The following NPAS3 variants were observed in gnomAD, a reference collection of about 807,000 sequenced individuals.
The protein encoded by NPAS3 is neuronal PAS domain-containing protein 3.
Under a neutral mutation model 73.1 loss-of-function variants are expected in NPAS3, and 14 were observed. The ratio of observed to expected loss-of-function variants is 0.19; its 90% CI spans 0.13 to 0.30. NPAS3 has a LOEUF of 0.30. NPAS3 is among the 10% of genes least tolerant of loss of function. The pLI is 1.00. For missense variants in NPAS3, 1,096 were observed against 1,250.0 expected, an observed-to-expected ratio of 0.88 and a Z score of 1.86; for synonymous variants, 620 against 541.5, an observed-to-expected ratio of 1.14 and a Z score of -2.01.
intron 2 of NPAS3, among the ~76,000 whole-genome samples, chr14:33,061,574 A>C (rs2138577275): frequency 6.6e-6 from 1 of 152,328 alleles, no homozygotes. Flanking sequence ...AATGACTTGA[A>C]GTAGCATATG....
At chr14:33,381,059 A>G (rs2046528789) in intron 4 of NPAS3, among the ~76,000 whole-genome samples, 1 of 152,082 alleles carries the variant, frequency 6.6e-6, no homozygotes, top group Non-Finnish European at 1.5e-5. Context: ...AAGGCAAATG[A>G]TAATATCAAT....
chr14:32,937,883 G>A (rs889206784), upstream of NPAS3, among the ~76,000 whole-genome samples: 40 of 152,170 alleles, frequency 2.6e-4, no homozygotes, highest in Admixed American at 2.4e-3. Flanking sequence ...CTTCTGATTG[G>A]TTTAGTGGAG....
At position 33,800,645 on chromosome 14, in the gene NPAS3, G is replaced by T; in HGVS notation, c.2338G>T (p.Ala780Ser). 1 of 1,446,410 alleles carries T rather than the reference G, an allele frequency of 6.9e-7. No homozygotes were observed. 89.6% of individuals were successfully genotyped at this position (1,446,410 alleles called of 1,614,324 possible). A position where few individuals can be genotyped will look rare whatever the true frequency, so the allele number is the denominator to read the frequency against. Residue 780 changes from alanine (A) to serine (S), a missense_variant, in exon 12 of 12, where the codon GCG becomes TCG. Ala to Ser is a moderately conservative substitution (Grantham distance 99). This residue lies in a region of NPAS3 where 698 missense variants were observed against 676.7 expected (regional missense o/e 1.03). Transcript: ENST00000356141. This position sits in a 1 kb window ranked among gnomAD's most constrained non-coding sequence, Gnocchi z 6.5. The stretch of plus-strand genomic sequence containing the variant: ...CGGCGCGGGGGGCGGCGGCCCCAGC[G>T]CGTCCAACTCCTTGCTGTACACTGG...
At chr14:33,633,048 G>C (rs77244915) in intron 5 of NPAS3, among the ~76,000 whole-genome samples, 1 of 152,104 alleles carries the variant, frequency 6.6e-6, no homozygotes, top group Admixed American at 6.5e-5. Context: ...AATAACACAA[G>C]TTTAAAAACA....
At chr14:33,480,716 T>G (rs1423677733) in intron 4 of NPAS3, among the ~76,000 whole-genome samples, 1 of 151,904 alleles carries the variant, frequency 6.6e-6, no homozygotes, top group East Asian at 1.9e-4. Flanking sequence ...GGCAGGCATT[T>G]AAAACCCTGA....
intron 5 of NPAS3, among the ~76,000 whole-genome samples, chr14:33,644,867 G>T (rs936652086): frequency 3.9e-5 from 6 of 152,118 alleles, no homozygotes; most frequent in African/African-American, 1.4e-4. Flanking sequence ...CGGATCACAA[G>T]GTCAGGGGTT....
At chr14:33,046,058 G>C (rs944548494) in intron 1 of NPAS3, among the ~76,000 whole-genome samples, 1 of 152,120 alleles carries the variant, frequency 6.6e-6, no homozygotes, top group African/African-American at 2.4e-5. Flanking sequence ...GATTTATTAG[G>C]GAAAAAATTG....
intron 5 of NPAS3, among the ~76,000 whole-genome samples, chr14:33,652,895 TCTCACCCCC>T (rs2059038866): frequency 9.0e-6 from 1 of 111,402 alleles, no homozygotes; most frequent in South Asian, 3.6e-4. Flanking sequence ...CACCCCCATT[TCTCACCCCC>T]GTGACCTTGG....
At chr14:33,643,651 T>C (rs1198498053) in intron 5 of NPAS3, among the ~76,000 whole-genome samples, 1 of 152,140 alleles carries the variant, frequency 6.6e-6, no homozygotes, top group African/African-American at 2.4e-5. Flanking sequence ...TCTGAGACAA[T>C]CTGAATCACA....
chr14:33,293,014 A>G (rs2042161703), intron 3 of NPAS3, among the ~76,000 whole-genome samples: 1 of 152,284 alleles, frequency 6.6e-6, no homozygotes, highest in South Asian at 2.1e-4. Context: ...TGTTTGGATT[A>G]TAATTTTCTT....
At chr14:33,544,208 T>C (rs538295313) in intron 4 of NPAS3, among the ~76,000 whole-genome samples, 1 of 152,084 alleles carries the variant, frequency 6.6e-6, no homozygotes, top group South Asian at 2.1e-4. Context: ...CGTGGCACCA[T>C]CATAGCTTGC....
chr14:33,502,679 T>C (rs1007338632), intron 4 of NPAS3, among the ~76,000 whole-genome samples: 1 of 151,958 alleles, frequency 6.6e-6, no homozygotes, highest in African/African-American at 2.4e-5. Flanking sequence ...CTCTTCTCTT[T>C]ACTGCTGCTG....
intron 5 of NPAS3, among the ~76,000 whole-genome samples, chr14:33,591,788 A>G (rs2057076316): frequency 6.6e-6 from 1 of 152,190 alleles, no homozygotes; most frequent in Non-Finnish European, 1.5e-5. Context: ...TCTTGAGGGA[A>G]ACGTATGTAA....
At chr14:33,245,191 G>A (rs1297173363) in intron 3 of NPAS3, among the ~76,000 whole-genome samples, 1 of 152,132 alleles carries the variant, frequency 6.6e-6, no homozygotes, top group Non-Finnish European at 1.5e-5. Flanking sequence ...AGATGCCCTA[G>A]TTATACCACC....
At chr14:33,531,930 TCTA>T in intron 4 of NPAS3, among the ~76,000 whole-genome samples, 1 of 152,308 alleles carries the variant, frequency 6.6e-6, no homozygotes, top group East Asian at 1.9e-4. Flanking sequence ...CTAGTGATCT[TCTA>T]CTGTGCTTAC....
Position 33,289,442 on chromosome 14 carries a change from A to T in NPAS3, c.385+74016A>T, listed in dbSNP as rs373386561. On this transcript the variant is annotated intron_variant, in intron 3 of 11. Coordinates refer to ENST00000356141, the Ensembl canonical transcript of NPAS3. ...TTAAAACCTGAAAGATGGCTTTAGT[A>T]ATCTATCCTTGGCCCTTTTAAAACC... is the stretch of plus-strand genomic sequence containing the variant. 3.9e-5 allele frequency among the ~76,000 whole-genome samples: 6 copies of T among 152,154 alleles called. 1 individual carries two copies. The East Asian group carries it at 9.6e-4, about 24-fold the overall frequency.
chr14:33,148,563 T>G (rs901826596), intron 2 of NPAS3, among the ~76,000 whole-genome samples: 6 of 152,204 alleles, frequency 3.9e-5, no homozygotes, highest in African/African-American at 1.2e-4. Context: ...GATGACAATA[T>G]TTTGGACAGA....
At chr14:32,974,476 G>A (rs914417666) in intron 1 of NPAS3, among the ~76,000 whole-genome samples, 1 of 152,214 alleles carries the variant, frequency 6.6e-6, no homozygotes, top group Admixed American at 6.5e-5. Flanking sequence ...AAGAAGGTAT[G>A]TACCAGCAAG....
chr14:33,367,283 A>T lies in NPAS3; in HGVS notation c.468+15A>T. 1.2e-6 allele frequency: 1 copy of T among 843,274 alleles called. No homozygotes were observed. Among genetic ancestry groups the T allele is most frequent in the East Asian group, 2.4e-5 (1 of 41,216 alleles). 52.2% of individuals were successfully genotyped at this position (843,274 alleles called of 1,614,324 possible). A position where few individuals can be genotyped will look rare whatever the true frequency, so the allele number is the denominator to read the frequency against. ...ACATTTTGCAGGTACCTTTAAAACA[A>T]AAAGAAGCTTTCTTATATTTTACTA... On this transcript the variant is annotated intron_variant, in intron 4 of 11. Transcript: ENST00000356141.
Sources: allele counts gnomAD v4.1 joint callset (sites outside exome capture counted in the v4.1 genomes callset), GRCh38; gene constraint gnomAD v4.1.1; regional missense constraint gnomAD v4.1.1; non-coding constraint Gnocchi (gnomAD v3.1); transcripts MANE v1.5; gene names NCBI Gene and HGNC (gene_info 2026-07-23, HGNC 2026-07-21).